The following ANKRD42 variants were observed in gnomAD, a reference collection of about 807,000 sequenced individuals.
The protein encoded by ANKRD42 is ankyrin repeat domain 42.
ANKRD42 carries 43 observed loss-of-function variants against 51.5 expected under a neutral mutation model. The ratio of observed to expected loss-of-function variants is 0.83; its 90% CI spans 0.65 to 1.08. ANKRD42 has a LOEUF of 1.08. ANKRD42 is among the 50% of genes least tolerant of loss of function. ANKRD42 has a pLI of 0.00. For missense variants in ANKRD42, 608 were observed against 629.3 expected (o/e 0.97, Z 0.36); for synonymous variants, 203 against 213.0 (o/e 0.95, Z 0.41).
At chr11:83,211,220 A>C in intron 4 of ANKRD42, 75 bp from the exon 5 acceptor site, 2 of 1,576,064 alleles carry the variant, frequency 1.3e-6, no homozygotes, top group Non-Finnish European at 1.7e-6. Context: ...TCTTATTTAC[A>C]GAATTAAGCT....
At chr11:83,242,918 G>A (rs918436552) in intron 9 of ANKRD42, among the ~76,000 whole-genome samples, 1 of 152,140 alleles carries the variant, frequency 6.6e-6, no homozygotes, top group African/African-American at 2.4e-5. Context: ...TTGATTCCAT[G>A]TTTTTGCTGT....
chr11:83,221,080 A>G (rs1379201897), intron 5 of ANKRD42, among the ~76,000 whole-genome samples: 1 of 142,420 alleles, frequency 7.0e-6, no homozygotes, highest in Non-Finnish European at 1.5e-5. Context: ...ATTTCTTTCC[A>G]TTTTTTTTTT....
intron 11 of ANKRD42, among the ~76,000 whole-genome samples, chr11:83,254,926 C>G (rs1863740729): frequency 6.6e-6 from 1 of 152,182 alleles, no homozygotes; most frequent in South Asian, 2.1e-4. Flanking sequence ...GAAGTTTATC[C>G]TACTCTCAAG....
chr11:83,244,463 C>T (rs957507571), intron 9 of ANKRD42, among the ~76,000 whole-genome samples: 5 of 152,154 alleles, frequency 3.3e-5, no homozygotes, highest in Non-Finnish European at 1.5e-5. Context: ...CTAAGCTGGT[C>T]CTGTAAAGCA....
chr11:83,197,623 G>A (rs1165407679), intron 1 of ANKRD42, among the ~76,000 whole-genome samples: 1 of 152,128 alleles, frequency 6.6e-6, no homozygotes, highest in Admixed American at 6.5e-5. Context: ...AATCATGCCT[G>A]TTTTATTTAG....
At chr11:83,205,949 G>A in intron 2 of ANKRD42, 109 bp from the exon 3 acceptor site, 1 of 846,046 alleles carries the variant, frequency 1.2e-6, no homozygotes, top group Non-Finnish European at 1.8e-6. Flanking sequence ...CTTATACATG[G>A]ATCTCTCATT....
chr11:83,237,092 A>G (rs1367106701), intron 8 of ANKRD42, among the ~76,000 whole-genome samples: 7 of 152,232 alleles, frequency 4.6e-5, no homozygotes, highest in Admixed American at 4.6e-4. Flanking sequence ...AGCTTCCCGT[A>G]TACTTACCAT....
downstream of ANKRD42, among the ~76,000 whole-genome samples, chr11:83,263,161 T>G (rs937643175): frequency 2.0e-5 from 3 of 152,186 alleles, no homozygotes; most frequent in African/African-American, 4.8e-5. Context: ...CTTGAAAGAC[T>G]CAATCTGTCA....
At chr11:83,207,318 T>C (rs570805029) in intron 3 of ANKRD42, among the ~76,000 whole-genome samples, 2 of 152,286 alleles carry the variant, frequency 1.3e-5, no homozygotes, top group African/African-American at 4.8e-5. Context: ...ACACAGCCAA[T>C]GTACATCACA....
intron 10 of ANKRD42, among the ~76,000 whole-genome samples, chr11:83,247,651 T>A (rs1035046015): frequency 6.6e-6 from 1 of 152,226 alleles, no homozygotes; most frequent in African/African-American, 2.4e-5. Context: ...CCTTTAGCAC[T>A]TATTACCTTC....
intron 7 of ANKRD42, among the ~76,000 whole-genome samples, chr11:83,233,916 C>T (rs1863153298): frequency 6.6e-6 from 1 of 152,238 alleles, no homozygotes; most frequent in Non-Finnish European, 1.5e-5. Context: ...CTCTTGACCT[C>T]AGGTGATCCA....
intron 1 of ANKRD42, among the ~76,000 whole-genome samples, chr11:83,197,833 A>C (rs955234807): frequency 5.3e-5 from 8 of 152,240 alleles, no homozygotes; most frequent in African/African-American, 1.9e-4. Context: ...TATAAGAAAG[A>C]TGTTGATAAA....
chr11:83,237,175 A>T (rs1191172770), intron 8 of ANKRD42, among the ~76,000 whole-genome samples: 2 of 152,230 alleles, frequency 1.3e-5, no homozygotes, highest in Non-Finnish European at 2.9e-5. Context: ...AGGAGTTTAC[A>T]GTATTGTGGA....
intron 6 of ANKRD42, among the ~76,000 whole-genome samples, chr11:83,227,163 G>T (rs1862911863): frequency 6.6e-6 from 1 of 151,822 alleles, no homozygotes. Context: ...TATTTTTTTT[G>T]AGATGGAATC....
rs187624132 is a variant in ANKRD42 at position 83,225,330 on chromosome 11, T to C, written c.787+275T>C. 9.9e-5 allele frequency among the ~76,000 whole-genome samples: 15 copies of C among 151,586 alleles called. No homozygotes were observed. In the East Asian group the frequency reaches 2.5e-3, roughly 25 times the overall value. On this transcript the variant is annotated intron_variant, in intron 6 of 10. Coordinates refer to ENST00000533342, the MANE Select transcript of ANKRD42 (RefSeq NM_001300975.2). ...GCCGGTAATCCCAGAACTTCGGGAG[T>C]CTGAGGTGAGTGGATTGCTTGAGCC...
chr11:83,249,033 T>G (rs1286495107), downstream of ANKRD42: 8 of 965,612 alleles, frequency 8.3e-6, no homozygotes, highest in African/African-American at 1.4e-4. Flanking sequence ...GGGGAAAATT[T>G]AGTATCAGAG....
At chr11:83,224,789 A>G (rs976381499) in intron 5 of ANKRD42, 66 bp from the exon 6 acceptor site, 2 of 1,203,670 alleles carry the variant, frequency 1.7e-6, no homozygotes, top group East Asian at 2.8e-5. Context: ...GTCTCTAAAT[A>G]CATACATACA....
intron 7 of ANKRD42, among the ~76,000 whole-genome samples, chr11:83,235,903 T>C (rs1863209192): frequency 2.0e-5 from 3 of 152,202 alleles, no homozygotes; most frequent in Admixed American, 2.0e-4. Context: ...TTTTGAGTTG[T>C]AAGAATCAGA....
chr11:83,194,945 G>A (rs546230185), intron 1 of ANKRD42, among the ~76,000 whole-genome samples: 1 of 151,932 alleles, frequency 6.6e-6, no homozygotes, highest in African/African-American at 2.4e-5. Flanking sequence ...CTATTCCTCC[G>A]AGTCTTCTTG....
Sources: gnomAD v4.1 joint callset for allele counts (sites outside exome capture counted in the v4.1 genomes callset) on GRCh38, gnomAD v4.1.1 for gene constraint, MANE v1.5 for transcripts, NCBI Gene and HGNC (gene_info 2026-07-23, HGNC 2026-07-21) for gene names.